The following UGT1A6 variants were observed in gnomAD, a reference collection of about 807,000 sequenced individuals.
UGT1A6 encodes UDP glucuronosyltransferase family 1 member A6.
UGT1A6 carries 32 observed loss-of-function variants against 44.4 expected under a neutral mutation model. The ratio of observed to expected loss-of-function variants is 0.72; its 90% CI spans 0.54 to 0.97. The LOEUF is 0.97. Ranked by LOEUF, UGT1A6 falls within the 50% of genes least tolerant of loss-of-function variation. The pLI is 0.00. For missense variants in UGT1A6, 685 were observed against 661.9 expected (o/e 1.03, Z -0.38); for synonymous variants, 238 against 248.5 (o/e 0.96, Z 0.40).
intron 1 of UGT1A6, among the ~76,000 whole-genome samples, chr2:233,734,275 T>G (rs2078506327): frequency 6.6e-6 from 1 of 152,188 alleles, no homozygotes; most frequent in Non-Finnish European, 1.5e-5. Context: ...GTCCAGGAAT[T>G]TATCCATTTC....
intron 1 of UGT1A6, chr2:233,719,328 G>C: frequency 2.5e-6 from 4 of 1,613,970 alleles, no homozygotes; most frequent in Non-Finnish European, 3.4e-6. Context: ...GATTCCTGCT[G>C]TGTTTTTTTG....
intron 1 of UGT1A6, among the ~76,000 whole-genome samples, chr2:233,704,256 C>CTTTTTTTTT (rs59925871): frequency 4.0e-5 from 5 of 123,674 alleles, no homozygotes; most frequent in African/African-American, 6.5e-5. Flanking sequence ...GCCTTTATTG[C>CTTTTTTTTT]TTTTTTTTTT....
chr2:233,763,026 C>T (rs1324231755), intron 1 of UGT1A6, among the ~76,000 whole-genome samples: 1 of 152,138 alleles, frequency 6.6e-6, no homozygotes, highest in African/African-American at 2.4e-5. Flanking sequence ...TTATGTTAGC[C>T]ATTGTTTTCT....
intron 1 of UGT1A6, among the ~76,000 whole-genome samples, chr2:233,705,253 T>C (rs2075835852): frequency 6.6e-6 from 1 of 152,224 alleles, no homozygotes; most frequent in Admixed American, 6.5e-5. Flanking sequence ...TTCAGATTAT[T>C]CTATGGGGTC....
At chr2:233,736,342 C>T (rs549805148) in intron 1 of UGT1A6, among the ~76,000 whole-genome samples, 123 of 152,282 alleles carry the variant, frequency 8.1e-4, no homozygotes, top group Admixed American at 3.1e-3. Flanking sequence ...AGTTCTTGTG[C>T]CATGGTTTTC....
chr2:233,695,130 C>CT (rs71398796), intron 1 of UGT1A6, among the ~76,000 whole-genome samples: 83 of 138,832 alleles, frequency 6.0e-4, no homozygotes, highest in East Asian at 2.3e-3. Context: ...CTTTTCTTTT[C>CT]TTTTTTTTTT....
intron 1 of UGT1A6, among the ~76,000 whole-genome samples, chr2:233,741,359 CA>C (rs1323316954): frequency 6.6e-6 from 1 of 151,778 alleles, no homozygotes; most frequent in Non-Finnish European, 1.5e-5. Flanking sequence ...CACAAAACCA[CA>C]ATGAAACTGC....
intron 1 of UGT1A6, among the ~76,000 whole-genome samples, chr2:233,739,549 T>C (rs1346005869): frequency 6.6e-6 from 1 of 152,244 alleles, no homozygotes; most frequent in Non-Finnish European, 1.5e-5. Context: ...AGCTTTAAGA[T>C]TTAATGACTG....
At chr2:233,699,430 G>T (rs2075505174) in intron 1 of UGT1A6, among the ~76,000 whole-genome samples, 1 of 152,190 alleles carries the variant, frequency 6.6e-6, no homozygotes, top group Admixed American at 6.5e-5. Flanking sequence ...TATTAGAAGG[G>T]TCATTGGAGT....
intron 1 of UGT1A6, among the ~76,000 whole-genome samples, chr2:233,696,285 A>G (rs554364174): frequency 5.9e-5 from 9 of 152,206 alleles, no homozygotes; most frequent in African/African-American, 2.2e-4. Context: ...AAAACGTAGG[A>G]CTGTAATATC....
chr2:233,700,650 A>G (rs1190842216), intron 1 of UGT1A6, among the ~76,000 whole-genome samples: 1 of 152,150 alleles, frequency 6.6e-6, no homozygotes, highest in Non-Finnish European at 1.5e-5. Flanking sequence ...AAGTGTTTAC[A>G]TATTTCTACT....
chr2:233,697,795 A>AT (rs912508781), intron 1 of UGT1A6, among the ~76,000 whole-genome samples: 1 of 152,102 alleles, frequency 6.6e-6, no homozygotes, highest in Non-Finnish European at 1.5e-5. Flanking sequence ...GTTTCAAGTA[A>AT]TTTTTAAATT....
At chr2:233,713,286 T>G (rs2076302017) in intron 1 of UGT1A6, 2 of 1,614,222 alleles carry the variant, frequency 1.2e-6, no homozygotes, top group Non-Finnish European at 1.7e-6. Context: ...TCACACTCAA[T>G]CGTTCTTTGA....
chr2:233,761,696 T>G (rs1228722840), intron 1 of UGT1A6, among the ~76,000 whole-genome samples: 1 of 152,214 alleles, frequency 6.6e-6, no homozygotes, highest in East Asian at 1.9e-4. Context: ...TACAGAAAGG[T>G]TGTAGGTTTC....
At chr2:233,717,997 G>T in intron 1 of UGT1A6, 2 of 419,518 alleles carry the variant, frequency 4.8e-6, no homozygotes, top group South Asian at 3.4e-5. Context: ...GACTGTGCAA[G>T]ATCTGAGGCC....
chr2:233,757,555 T>TATATATATATATACATATAC, intron 1 of UGT1A6, among the ~76,000 whole-genome samples: 3 of 125,180 alleles, frequency 2.4e-5, no homozygotes, highest in Non-Finnish European at 3.3e-5. Flanking sequence ...TATATATATA[T>TATATATATATATACATATAC]ATATATGTAT....
At chr2:233,756,247 A>C (rs1418468215) in intron 1 of UGT1A6, 1 of 152,214 alleles carries the variant, frequency 6.6e-6, no homozygotes, top group Non-Finnish European at 1.5e-5. Context: ...CCTTCCCCAT[A>C]CCAAAATCTA....
In UGT1A6 at chr2:233,715,887, A is replaced by G. The variant is rs537598315; in HGVS notation, c.861+22022A>G. Among the ~76,000 whole-genome samples the G allele has an allele frequency of 2.0e-5, 3 of 152,316 alleles. No homozygotes were observed. In the East Asian group the frequency reaches 5.8e-4, roughly 29 times the overall value. ...GTAGCTTGTGCCTGTGGCCCCAGCT[A>G]CTTGGGAGGCTCAGGTGGGAGGATC... On this transcript the variant is annotated intron_variant, in intron 1 of 4. Coordinates refer to ENST00000305139, the MANE Select transcript of UGT1A6 (RefSeq NM_001072.4).
rs1269709874 is a variant in UGT1A6, at chr2:233,693,720, G to A, written c.716G>A (p.Arg239Lys). The A allele has an allele frequency of 6.2e-7, 1 of 1,614,108 alleles. No individual in the cohort carries two copies. Among genetic ancestry groups the A allele is most frequent in the Non-Finnish European group, 8.5e-7 (1 of 1,180,056 alleles). Residue 239 changes from arginine to lysine, a missense_variant, in exon 1 of 5, where the codon AGA (arginine) becomes AAA (lysine). Physicochemically the swap from Arg to Lys is conservative, Grantham distance 26. Transcript: ENST00000305139. Reference sequence around the variant, plus strand: ...GAACTCGCATCAGCTGTCCTCAAGAGAGATGTGGATATAATCACCTTATAT... The same window carrying A: ...GAACTCGCATCAGCTGTCCTCAAGAAAGATGTGGATATAATCACCTTATAT... ...YEELASAVLKRDVDIITLYQK... is the reference protein window; with the variant it reads ...YEELASAVLKKDVDIITLYQK...
Sources: gnomAD v4.1 joint callset for allele counts (sites outside exome capture counted in the v4.1 genomes callset) on GRCh38, gnomAD v4.1.1 for gene constraint, MANE v1.5 for transcripts, NCBI Gene and HGNC (gene_info 2026-07-23, HGNC 2026-07-21) for gene names.